RHOT1: variants seen among roughly 807,000 people sequenced by gnomAD.
The protein encoded by RHOT1 is ras homolog family member T1, also known as mitochondrial Rho GTPase 1.
Under a neutral mutation model 95.3 loss-of-function variants are expected in RHOT1, and 27 were observed. That is an observed-to-expected ratio of 0.28 (90% CI 0.21 to 0.39). The LOEUF is 0.39. Ranked by LOEUF, RHOT1 falls within the 10% of genes least tolerant of loss-of-function variation. The pLI, the probability that RHOT1 is intolerant of heterozygous loss-of-function variation, is 1.00. For missense variants in RHOT1, 578 were observed against 786.7 expected, an observed-to-expected ratio of 0.73 and a Z score of 3.17; for synonymous variants, 227 against 263.5, an observed-to-expected ratio of 0.86 and a Z score of 1.34.
chr17:32,167,165 T>C (rs1470889759), intron 1 of RHOT1, among the ~76,000 whole-genome samples: 1 of 152,114 alleles, frequency 6.6e-6, no homozygotes, highest in Non-Finnish European at 1.5e-5. Context: ...CCAGGTGTAT[T>C]GTCAGTGAGC....
chr17:32,183,069 CG>C (rs1242945162), intron 7 of RHOT1, 101 bp from the exon 8 acceptor site: 5 of 978,238 alleles, frequency 5.1e-6, no homozygotes, highest in Admixed American at 2.4e-5. Context: ...ATGCATTTTT[CG>C]TTTTTTTTCA....
intron 19 of RHOT1, among the ~76,000 whole-genome samples, chr17:32,220,826 C>G (rs1465022304): frequency 7.0e-6 from 1 of 143,452 alleles, no homozygotes; most frequent in Non-Finnish European, 1.5e-5. Flanking sequence ...AAAAAAAAGT[C>G]TAAAAGGAAA....
intron 18 of RHOT1, 196 bp downstream of exon 18, chr17:32,208,505 G>A: frequency 1.7e-6 from 1 of 574,382 alleles, no homozygotes; most frequent in Middle Eastern, 4.8e-4. Context: ...CAGTGCTTCT[G>A]ACAATATCTG....
chr17:32,161,865 G>A (rs1381618023), intron 1 of RHOT1, among the ~76,000 whole-genome samples: 1 of 152,124 alleles, frequency 6.6e-6, no homozygotes, highest in Non-Finnish European at 1.5e-5. Flanking sequence ...CACAAAACTC[G>A]GGAAAGTGCT....
At chr17:32,158,139 A>T (rs545382631) in intron 1 of RHOT1, among the ~76,000 whole-genome samples, 1 of 152,324 alleles carries the variant, frequency 6.6e-6, no homozygotes, top group African/African-American at 2.4e-5. Flanking sequence ...TACAGGCATG[A>T]GCCACTCTGT....
chr17:32,173,771 A>G (rs754225840), intron 2 of RHOT1, 60 bp from the exon 3 acceptor site: 3 of 1,130,058 alleles, frequency 2.7e-6, no homozygotes, highest in Non-Finnish European at 3.9e-6. Context: ...CATCTATTAC[A>G]AGTTTGAGTG....
At chr17:32,193,909 C>G in intron 10 of RHOT1, 78 bp from the exon 11 acceptor site, 7 of 1,530,916 alleles carry the variant, frequency 4.6e-6, no homozygotes, top group Non-Finnish European at 6.2e-6. Context: ...GTTCATGAAT[C>G]TGGTTCTTGC....
intron 1 of RHOT1, among the ~76,000 whole-genome samples, chr17:32,165,999 A>G (rs1567668030): frequency 6.6e-6 from 1 of 152,008 alleles, no homozygotes; most frequent in Non-Finnish European, 1.5e-5. Flanking sequence ...TGCATGGCCA[A>G]CAAGGCGAAA....
chr17:32,158,282 A>G (rs565383666), intron 1 of RHOT1, among the ~76,000 whole-genome samples: 1 of 152,344 alleles, frequency 6.6e-6, no homozygotes, highest in East Asian at 1.9e-4. Flanking sequence ...GACAAAAAAG[A>G]TGGGTCATGT....
intron 17 of RHOT1, chr17:32,207,481 A>G (rs541286406): frequency 6.4e-6 from 1 of 156,450 alleles, no homozygotes; most frequent in East Asian, 1.9e-4. Context: ...TATATGTACA[A>G]AGGTGTTTAT....
In RHOT1 at chr17:32,201,059, A is replaced by G; in HGVS notation, c.1201+3A>G. The G allele has an allele frequency of 6.5e-7, 1 of 1,545,456 alleles. No homozygotes were observed. Reference sequence around the variant, plus strand: ...GTCTCAAGCTTCAGCTGTTACAGGTAAGTATCTAGATACTGTTCAGCTCAT... The same window carrying G: ...GTCTCAAGCTTCAGCTGTTACAGGTGAGTATCTAGATACTGTTCAGCTCAT... On this transcript the variant is annotated splice_donor_region_variant and intron_variant, in intron 14 of 19. Coordinates refer to ENST00000545287, the MANE Select transcript of RHOT1 (RefSeq NM_001033566.3).
intron 1 of RHOT1, among the ~76,000 whole-genome samples, chr17:32,146,528 C>T (rs952837189): frequency 2.6e-5 from 4 of 151,222 alleles, no homozygotes; most frequent in African/African-American, 9.7e-5. Flanking sequence ...TCACTGCAAG[C>T]TCCACCTCCC....
rs540727723 is a variant in RHOT1 at position 32,156,356 on chromosome 17, T to A, written c.37+13627T>A. On this transcript the variant is annotated intron_variant, in intron 1 of 19. Coordinates refer to ENST00000545287, the MANE Select transcript of RHOT1 (RefSeq NM_001033566.3). ...ATCATGGCTCACTGCAGCCTCAACC[T>A]CCTGGGCTCAGATGATCCTCCCACC... Among the ~76,000 whole-genome samples the A allele has an allele frequency of 6.4e-4, 97 of 152,320 alleles. 1 individual carries two copies. The highest frequency in any genetic ancestry group is 2.2e-3 in the African/African-American group (92 of 41,576).
intron 2 of RHOT1, among the ~76,000 whole-genome samples, chr17:32,171,932 G>A (rs1239189088): frequency 1.3e-5 from 2 of 152,162 alleles, no homozygotes; most frequent in African/African-American, 4.8e-5. Context: ...ATTATTACTG[G>A]CAATAAATTT....
intron 1 of RHOT1, among the ~76,000 whole-genome samples, chr17:32,169,538 G>A (rs1215362172): frequency 6.6e-6 from 1 of 152,212 alleles, no homozygotes; most frequent in Non-Finnish European, 1.5e-5. Flanking sequence ...ATGTAGAGAT[G>A]CAGAGAAATG....
intron 8 of RHOT1, among the ~76,000 whole-genome samples, chr17:32,190,194 G>T (rs956196388): frequency 6.6e-6 from 1 of 152,102 alleles, no homozygotes; most frequent in Non-Finnish European, 1.5e-5. Context: ...AATGGATCAT[G>T]CCTGTAATCC....
At chr17:32,143,495 C>T (rs1320521665) in intron 1 of RHOT1, among the ~76,000 whole-genome samples, 2 of 152,186 alleles carry the variant, frequency 1.3e-5, no homozygotes, top group African/African-American at 2.4e-5. Flanking sequence ...AATCTTTGCC[C>T]TCTTTTTAAG....
intron 11 of RHOT1, among the ~76,000 whole-genome samples, chr17:32,198,701 C>T (rs927517182): frequency 1.3e-5 from 2 of 151,952 alleles, no homozygotes; most frequent in African/African-American, 4.8e-5. Flanking sequence ...AGAGTGAGAC[C>T]CTGTCTGAAT....
intron 1 of RHOT1, among the ~76,000 whole-genome samples, chr17:32,166,380 A>T (rs2034089539): frequency 6.6e-6 from 1 of 151,978 alleles, no homozygotes; most frequent in Non-Finnish European, 1.5e-5. Context: ...ATGGCTGCTG[A>T]CTGATTAGGG....
Sources: gnomAD v4.1 joint callset for allele counts (sites outside exome capture counted in the v4.1 genomes callset) on GRCh38, gnomAD v4.1.1 for gene constraint, MANE v1.5 for transcripts, NCBI Gene and HGNC (gene_info 2026-07-23, HGNC 2026-07-21) for gene names.